DCAF6: variants seen among roughly 807,000 people sequenced by gnomAD.
DCAF6 encodes DDB1- and CUL4-associated factor 6.
A neutral mutation model predicts 125.1 loss-of-function variants in DCAF6; 54 were observed. The observed-to-expected ratio is 0.43, with a 90% CI of 0.35 to 0.54. The LOEUF (loss-of-function observed/expected upper bound fraction) is 0.54. Among genes scored for constraint, DCAF6 ranks in the 20% least tolerant of loss-of-function variants. The probability of loss-of-function intolerance (pLI) is 0.01; values close to 1 mark genes in which losing one functional copy is unlikely to be tolerated. For missense variants in DCAF6, 934 were observed against 1,161.7 expected (o/e 0.80, Z 2.85); for synonymous variants, 371 against 390.4 (o/e 0.95, Z 0.58).
intron 19 of DCAF6, 110 bp downstream of exon 19, chr1:168,065,856 T>A: frequency 9.5e-7 from 1 of 1,055,432 alleles, no homozygotes; most frequent in Non-Finnish European, 1.3e-6. Flanking sequence ...CCAAACTATC[T>A]GACTAGGCAG....
the DCAF6 span, among the ~76,000 whole-genome samples, chr1:167,887,554 G>A: frequency 9.2e-5 from 14 of 152,066 alleles, no homozygotes; most frequent in Non-Finnish European, 2.1e-4. Flanking sequence ...GTGGGCTGGG[G>A]GGAAGGGGGA....
upstream of DCAF6, among the ~76,000 whole-genome samples, chr1:167,935,222 A>C (rs557204223): frequency 2.0e-5 from 3 of 152,212 alleles, no homozygotes; most frequent in South Asian, 6.2e-4. Flanking sequence ...GAGAAATGAC[A>C]CTGACTCAAG....
At chr1:168,025,470 G>A (rs182468338) in intron 12 of DCAF6, among the ~76,000 whole-genome samples, 5 of 152,272 alleles carry the variant, frequency 3.3e-5, no homozygotes, top group Admixed American at 6.5e-5. Flanking sequence ...AAGCTGCACC[G>A]TAGTAGACTA....
chr1:168,035,513 TG>T (rs1349419401), intron 12 of DCAF6, among the ~76,000 whole-genome samples: 1 of 152,208 alleles, frequency 6.6e-6, no homozygotes, highest in Non-Finnish European at 1.5e-5. Context: ...GTTGTCTTTC[TG>T]CCAGAGACAC....
chr1:167,951,903 T>C (rs367577811), intron 2 of DCAF6, 42 bp downstream of exon 2: 29 of 1,262,320 alleles, frequency 2.3e-5, no homozygotes, highest in Admixed American at 3.7e-5. Context: ...GATTTGATAC[T>C]AAGTGTTTAA....
the DCAF6 span, chr1:167,880,375 G>C: frequency 5.1e-6 from 5 of 972,260 alleles, no homozygotes; most frequent in East Asian, 1.2e-4. Context: ...AACAGTTTGA[G>C]ACACAGGACT....
the DCAF6 span, among the ~76,000 whole-genome samples, chr1:167,865,406 G>C: frequency 6.6e-6 from 1 of 152,102 alleles, no homozygotes; most frequent in Non-Finnish European, 1.5e-5. Context: ...GCACCAACCT[G>C]CTCTTTAACA....
chr1:167,979,945 G>A (rs933293432), intron 4 of DCAF6, among the ~76,000 whole-genome samples: 1 of 152,086 alleles, frequency 6.6e-6, no homozygotes, highest in Admixed American at 6.5e-5. Context: ...CACTTTGGGA[G>A]GCTGAGGAGG....
chr1:168,038,871 A>G (rs1572050793), intron 13 of DCAF6, among the ~76,000 whole-genome samples: 1 of 152,004 alleles, frequency 6.6e-6, no homozygotes, highest in African/African-American at 2.4e-5. Context: ...TATATGTATG[A>G]TTTTTGTTTT....
chr1:167,907,242 T>A, the DCAF6 span, among the ~76,000 whole-genome samples: 2 of 152,256 alleles, frequency 1.3e-5, no homozygotes, highest in South Asian at 4.1e-4. Flanking sequence ...AGGCTACTCA[T>A]GGATCCCAGA....
intron 1 of DCAF6, among the ~76,000 whole-genome samples, chr1:167,941,419 T>G (rs1276490456): frequency 6.6e-6 from 1 of 152,236 alleles, no homozygotes; most frequent in African/African-American, 2.4e-5. Flanking sequence ...GGAGCTTATG[T>G]TACAAGTATG....
chr1:167,883,149 T>G, the DCAF6 span, among the ~76,000 whole-genome samples: 1 of 152,258 alleles, frequency 6.6e-6, no homozygotes, highest in Non-Finnish European at 1.5e-5. Context: ...GCCATTGTCC[T>G]GCCTCAGCCT....
At chr1:168,027,161 G>A (rs2103273889) in intron 12 of DCAF6, among the ~76,000 whole-genome samples, 1 of 152,198 alleles carries the variant, frequency 6.6e-6, no homozygotes, top group South Asian at 2.1e-4. Flanking sequence ...ATGATGTAGT[G>A]GAAGCAGAAG....
At chr1:167,934,520 A>G (rs994665898), upstream of DCAF6, among the ~76,000 whole-genome samples, 1 of 152,232 alleles carries the variant, frequency 6.6e-6, no homozygotes, top group Admixed American at 6.5e-5. Flanking sequence ...CTTAATGATC[A>G]GTTTTATAAT....
At chr1:167,988,847 G>T (rs1358647717) in intron 5 of DCAF6, among the ~76,000 whole-genome samples, 1 of 152,258 alleles carries the variant, frequency 6.6e-6, no homozygotes, top group South Asian at 2.1e-4. Context: ...TTGGGAGGCC[G>T]AGGCAGGTGG....
the DCAF6 span, among the ~76,000 whole-genome samples, chr1:167,913,744 G>A: frequency 6.6e-6 from 1 of 151,620 alleles, no homozygotes; most frequent in Admixed American, 6.6e-5. Flanking sequence ...GGCAAATAAA[G>A]AAAGTAAGCT....
intron 5 of DCAF6, among the ~76,000 whole-genome samples, chr1:167,989,834 C>T (rs1680577835): frequency 6.6e-6 from 1 of 151,400 alleles, no homozygotes; most frequent in Non-Finnish European, 1.5e-5. Context: ...TGCACTCCAA[C>T]CTGGCGACAG....
chr1:168,062,150 TA>T (rs1048615322), intron 17 of DCAF6, among the ~76,000 whole-genome samples: 3 of 151,844 alleles, frequency 2.0e-5, no homozygotes, highest in Non-Finnish European at 2.9e-5. Flanking sequence ...AAGCTAGACA[TA>T]AAAAAAATGT....
chr1:168,070,083 T>C (rs554910196), intron 21 of DCAF6, among the ~76,000 whole-genome samples: 10 of 152,278 alleles, frequency 6.6e-5, no homozygotes, highest in African/African-American at 2.4e-4. Context: ...GTAGCAATGG[T>C]TGGTTAGTTA....
Sources: gnomAD v4.1 joint callset for allele counts (sites outside exome capture counted in the v4.1 genomes callset) on GRCh38, gnomAD v4.1.1 for gene constraint, MANE v1.5 for transcripts, NCBI Gene and HGNC (gene_info 2026-07-23, HGNC 2026-07-21) for gene names.